The following SPIDR variants were observed in gnomAD, a reference collection of about 807,000 sequenced individuals.
SPIDR encodes the protein scaffold protein involved in DNA repair.
SPIDR carries 93 observed loss-of-function variants against 104.6 expected under a neutral mutation model. The ratio of observed to expected loss-of-function variants is 0.89; its 90% CI spans 0.75 to 1.06. The LOEUF is 1.06. Ranked by LOEUF, SPIDR falls within the 50% of genes least tolerant of loss-of-function variation. The pLI, the probability that SPIDR is intolerant of heterozygous loss-of-function variation, is 0.00. For missense variants in SPIDR, 1,154 were observed against 1,111.2 expected, an observed-to-expected ratio of 1.04 and a Z score of -0.55; for synonymous variants, 431 against 416.9, an observed-to-expected ratio of 1.03 and a Z score of -0.41.
intron 1 of SPIDR, among the ~76,000 whole-genome samples, chr8:47,277,417 G>C (rs1554554921): frequency 3.3e-5 from 5 of 151,892 alleles, no homozygotes. Context: ...CCAGGCTTCA[G>C]AACTGTGGCG....
chr8:47,616,794 A>G (rs1040788358), intron 10 of SPIDR, among the ~76,000 whole-genome samples: 1 of 152,200 alleles, frequency 6.6e-6, no homozygotes, highest in Admixed American at 6.5e-5. Context: ...ATACATAACA[A>G]TTAATTAAGC....
chr8:47,546,841 G>T, intron 8 of SPIDR: 1 of 281,022 alleles, frequency 3.6e-6, no homozygotes, highest in South Asian at 4.1e-5. Context: ...TCTTGTCTCC[G>T]TCTTCAGCAA....
chr8:47,501,328 G>A (rs1333365894), intron 8 of SPIDR, among the ~76,000 whole-genome samples: 2 of 152,084 alleles, frequency 1.3e-5, no homozygotes, highest in Non-Finnish European at 2.9e-5. Context: ...TTGAGCAGTG[G>A]TTTGTAGTTC....
chr8:47,684,359 CT>C (rs760392267), intron 11 of SPIDR, among the ~76,000 whole-genome samples: 1 of 152,160 alleles, frequency 6.6e-6, no homozygotes, highest in Admixed American at 6.5e-5. Flanking sequence ...CTCAAGGGGA[CT>C]TGCTGGTTAA....
intron 10 of SPIDR, chr8:47,659,711 C>T (rs1430778439): frequency 6.1e-6 from 6 of 985,146 alleles, no homozygotes; most frequent in Non-Finnish European, 6.0e-6. Flanking sequence ...TCTTCTGTCC[C>T]CATGCTCCCT....
intron 8 of SPIDR, among the ~76,000 whole-genome samples, chr8:47,498,928 G>T (rs767104890): frequency 1.3e-5 from 2 of 152,146 alleles, no homozygotes; most frequent in East Asian, 3.9e-4. Flanking sequence ...AAACAGTGTC[G>T]CAATATGTAC....
chr8:47,686,793 G>T (rs1481802490), intron 11 of SPIDR, among the ~76,000 whole-genome samples: 3 of 152,156 alleles, frequency 2.0e-5, no homozygotes, highest in African/African-American at 7.2e-5. Flanking sequence ...TGTCAGTGAT[G>T]TTGATATTAA....
intron 2 of SPIDR, among the ~76,000 whole-genome samples, chr8:47,281,956 T>A (rs2037873247): frequency 6.6e-6 from 1 of 152,244 alleles, no homozygotes; most frequent in African/African-American, 2.4e-5. Context: ...ATCCATAGTC[T>A]GCAGAATGGA....
At chr8:47,493,548 G>GT (rs1384181004) in intron 8 of SPIDR, among the ~76,000 whole-genome samples, 3 of 152,114 alleles carry the variant, frequency 2.0e-5, no homozygotes, top group Non-Finnish European at 4.4e-5. Context: ...TTATTTTTCA[G>GT]TAACACCCTG....
At chr8:47,490,066 A>G (rs1383018547) in intron 8 of SPIDR, among the ~76,000 whole-genome samples, 3 of 152,224 alleles carry the variant, frequency 2.0e-5, no homozygotes, top group Non-Finnish European at 4.4e-5. Context: ...TGAACAGGCA[A>G]CCTACAGAAT....
intron 19 of SPIDR, chr8:47,729,689 A>G (rs1371311492): frequency 3.6e-6 from 2 of 548,088 alleles, no homozygotes; most frequent in Non-Finnish European, 6.3e-6. Flanking sequence ...GTTGAGGTAG[A>G]TGCAGGAATC....
At chr8:47,601,181 AT>A (rs2062231184) in intron 10 of SPIDR, among the ~76,000 whole-genome samples, 1 of 152,202 alleles carries the variant, frequency 6.6e-6, no homozygotes, top group African/African-American at 2.4e-5. Flanking sequence ...AGAAAACAAC[AT>A]CCAGTTATTC....
rs1297962244 is a variant in SPIDR at position 47,716,225 on chromosome 8, TC to T, written c.2341+2585del. Among the ~76,000 whole-genome samples, 3 of 152,106 alleles carry T rather than the reference TC, an allele frequency of 2.0e-5. 1 individual carries two copies. Among genetic ancestry groups the T allele is most frequent in the Admixed American group, 2.0e-4 (3 of 15,266 alleles). On this transcript the variant is annotated intron_variant, in intron 16 of 19. Transcript: ENST00000297423. ...TCCACCCACCTCGGCCTCCCAAAGT[TC>T]TGGAATTACAGGTGTGAACCACGGC...
intron 14 of SPIDR, among the ~76,000 whole-genome samples, chr8:47,706,579 C>T (rs978951695): frequency 6.6e-6 from 1 of 152,194 alleles, no homozygotes; most frequent in Non-Finnish European, 1.5e-5. Context: ...GCTGTGCCAT[C>T]ACCAACGATT....
chr8:47,592,090 G>T (rs1315455451), intron 8 of SPIDR: 2 of 1,248,794 alleles, frequency 1.6e-6, no homozygotes, highest in East Asian at 2.3e-5. Flanking sequence ...AAACAAAAAG[G>T]AGGAAGTCTT....
At chr8:47,462,423 G>A (rs2074096222) in intron 8 of SPIDR, among the ~76,000 whole-genome samples, 1 of 152,116 alleles carries the variant, frequency 6.6e-6, no homozygotes, top group South Asian at 2.1e-4. Flanking sequence ...CATGATGCGA[G>A]TCTCTGTGAG....
intron 6 of SPIDR, among the ~76,000 whole-genome samples, chr8:47,404,556 T>A (rs1200123644): frequency 1.3e-5 from 2 of 152,182 alleles, no homozygotes; most frequent in African/African-American, 4.8e-5. Flanking sequence ...GAACAGACAG[T>A]TCTCAAGGGA....
At chr8:47,433,478 C>A (rs894441814) in intron 7 of SPIDR, among the ~76,000 whole-genome samples, 3 of 16,330 alleles carry the variant, frequency 1.8e-4, no homozygotes, top group Non-Finnish European at 3.2e-4. Flanking sequence ...AGGCTCCAGC[C>A]GACCACATTT....
intron 10 of SPIDR, among the ~76,000 whole-genome samples, chr8:47,609,970 A>G (rs1211051023): frequency 2.0e-5 from 3 of 152,202 alleles, no homozygotes; most frequent in African/African-American, 7.2e-5. Flanking sequence ...TGGTAATAGA[A>G]TGAAAACAGC....
Sources: gnomAD v4.1 joint callset for allele counts (sites outside exome capture counted in the v4.1 genomes callset) on GRCh38, gnomAD v4.1.1 for gene constraint, MANE v1.5 for transcripts, NCBI Gene and HGNC (gene_info 2026-07-23, HGNC 2026-07-21) for gene names.